NMNAT3: variants seen among roughly 807,000 people sequenced by gnomAD.
NMNAT3 encodes the protein nicotinamide nucleotide adenylyltransferase 3, also known as nicotinamide/nicotinic acid mononucleotide adenylyltransferase 3.
NMNAT3 carries 21 observed loss-of-function variants against 24.8 expected under a neutral mutation model. That is an observed-to-expected ratio of 0.85 (90% CI 0.60 to 1.22). NMNAT3 has a LOEUF of 1.22. NMNAT3 is among the 50% of genes most tolerant of loss of function. The pLI, the probability that NMNAT3 is intolerant of heterozygous loss-of-function variation, is 0.00. For synonymous variants in NMNAT3, 136 were observed against 155.2 expected (o/e 0.88, Z 0.92); for missense variants, 387 against 436.6 (o/e 0.89, Z 1.01).
intron 1 of NMNAT3, among the ~76,000 whole-genome samples, chr3:139,645,443 G>A (rs2056839527): frequency 6.6e-6 from 1 of 152,140 alleles, no homozygotes; most frequent in African/African-American, 2.4e-5. Context: ...GGCAGTTTAG[G>A]GTTAGGGCAG....
chr3:139,579,553 G>A (rs1369468139), intron 4 of NMNAT3, among the ~76,000 whole-genome samples: 1 of 152,148 alleles, frequency 6.6e-6, no homozygotes, highest in Non-Finnish European at 1.5e-5. Context: ...GCTGTAGATG[G>A]ACTAGTCGCA....
At chr3:139,595,276 G>A (rs953027688) in intron 3 of NMNAT3, among the ~76,000 whole-genome samples, 2 of 152,100 alleles carry the variant, frequency 1.3e-5, no homozygotes, top group African/African-American at 4.8e-5. Context: ...ACCTCTTCAA[G>A]GAGAACTACA....
At chr3:139,640,972 A>T (rs2056680010) in intron 1 of NMNAT3, among the ~76,000 whole-genome samples, 2 of 152,172 alleles carry the variant, frequency 1.3e-5, no homozygotes, top group African/African-American at 4.8e-5. Flanking sequence ...GGTATGCATA[A>T]TCGCTATTGT....
chr3:139,673,704 G>C (rs1281902252), intron 1 of NMNAT3, among the ~76,000 whole-genome samples: 2 of 151,948 alleles, frequency 1.3e-5, no homozygotes, highest in Non-Finnish European at 2.9e-5. Flanking sequence ...GACTCCATGA[G>C]GGTCAGGACT....
intron 6 of NMNAT3, among the ~76,000 whole-genome samples, chr3:139,571,759 G>A (rs1576524880): frequency 6.6e-6 from 1 of 152,156 alleles, no homozygotes; most frequent in African/African-American, 2.4e-5. Flanking sequence ...AGACAGATAG[G>A]TTTTCAATAG....
chr3:139,570,097 C>T (rs1937920910), intron 6 of NMNAT3: 1 of 152,164 alleles, frequency 6.6e-6, no homozygotes, highest in Non-Finnish European at 1.5e-5. Flanking sequence ...TTCATTTCAT[C>T]TTCCATCACT....
At position 139,561,219 on chromosome 3, in the gene NMNAT3, T is replaced by C. The variant is rs775183088; in HGVS notation, c.832A>G (p.Met278Val). The change falls in exon 7 of 7, where the codon ATG becomes GTG. Residue 278 changes from methionine to valine, a missense_variant. Met to Val is a conservative substitution (Grantham distance 21, BLOSUM62 1). This residue lies in a region of NMNAT3 where 323 missense variants were observed against 345.2 expected (regional missense o/e 0.94). Transcript: ENST00000643695. ...GCCAGGTGAATGTTGTGCTGGTGCA[T>C]CCGTAGGATGGGAGATTCTGCGATG... The C allele has an allele frequency of 1.2e-6, 2 of 1,614,170 alleles. No homozygotes were observed. Among genetic ancestry groups the C allele is most frequent in the Non-Finnish European group, 1.7e-6 (2 of 1,180,026 alleles).
chr3:139,634,997 A>G (rs2056447348), intron 2 of NMNAT3: 1 of 152,230 alleles, frequency 6.6e-6, no homozygotes, highest in Non-Finnish European at 1.5e-5. Flanking sequence ...AGTGAGCCAC[A>G]TAGAAAGTGG....
At chr3:139,589,500 A>C (rs757551796) in intron 3 of NMNAT3, among the ~76,000 whole-genome samples, 7 of 152,226 alleles carry the variant, frequency 4.6e-5, no homozygotes, top group Non-Finnish European at 1.0e-4. Context: ...CTCAACAGCA[A>C]GTCTTGAATC....
At chr3:139,581,012 A>C (rs1022868710) in intron 4 of NMNAT3, among the ~76,000 whole-genome samples, 3 of 152,210 alleles carry the variant, frequency 2.0e-5, no homozygotes, top group African/African-American at 7.2e-5. Flanking sequence ...TTATACCCAA[A>C]CAATAGATAT....
chr3:139,575,157 C>T (rs1939112199), intron 5 of NMNAT3, among the ~76,000 whole-genome samples: 1 of 152,190 alleles, frequency 6.6e-6, no homozygotes, highest in South Asian at 2.1e-4. Flanking sequence ...CATGAAAATG[C>T]TCCTTAAGTC....
intron 3 of NMNAT3, among the ~76,000 whole-genome samples, chr3:139,594,709 A>G (rs2054363137): frequency 6.6e-6 from 1 of 152,158 alleles, no homozygotes; most frequent in African/African-American, 2.4e-5. Context: ...CAAAGACAAA[A>G]ACCACATGAT....
At chr3:139,593,984 A>T (rs2054322957) in intron 3 of NMNAT3, among the ~76,000 whole-genome samples, 1 of 151,562 alleles carries the variant, frequency 6.6e-6, no homozygotes, top group Non-Finnish European at 1.5e-5. Context: ...AAGGAAATAG[A>T]GACACAAAAA....
chr3:139,645,190 A>G (rs1225841193), intron 1 of NMNAT3, among the ~76,000 whole-genome samples: 1 of 152,168 alleles, frequency 6.6e-6, no homozygotes, highest in Non-Finnish European at 1.5e-5. Context: ...TGACAGAGTG[A>G]GACTCCATCT....
intron 1 of NMNAT3, among the ~76,000 whole-genome samples, chr3:139,663,482 A>T (rs1395225562): frequency 6.6e-6 from 1 of 152,186 alleles, no homozygotes; most frequent in African/African-American, 2.4e-5. Context: ...CAGAGAAGCA[A>T]TGGTGCTTAC....
At chr3:139,592,077 T>A (rs2054218163) in intron 3 of NMNAT3, among the ~76,000 whole-genome samples, 1 of 151,862 alleles carries the variant, frequency 6.6e-6, no homozygotes, top group African/African-American at 2.4e-5. Flanking sequence ...TTGAAAAAAA[T>A]TTAGAAGAAT....
In NMNAT3 at chr3:139,574,243, T is replaced by C. The variant is rs1938933349; in HGVS notation, c.576-563A>G. On this transcript the variant is annotated intron_variant, in intron 5 of 6. Coordinates refer to ENST00000643695, the MANE Select transcript of NMNAT3 (RefSeq NM_001320510.2). ...CCAAGAGCCAGGGCTTGCAGCCAGA[T>C]GGCCTGGGTTGAATCTCAGCTCCTC... Among the ~76,000 whole-genome samples the C allele has an allele frequency of 2.0e-5, 3 of 152,242 alleles. 1 individual carries two copies. In the South Asian group the frequency reaches 6.2e-4, roughly 32 times the overall value.
chr3:139,631,138 G>A (rs1346106792), intron 2 of NMNAT3, among the ~76,000 whole-genome samples: 1 of 151,824 alleles, frequency 6.6e-6, no homozygotes, highest in Non-Finnish European at 1.5e-5. Context: ...TTTTGCTGTG[G>A]GCATACTGAG....
chr3:139,573,607 T>C lies in NMNAT3; in HGVS notation c.649A>G (p.Thr217Ala). ...GAGGATCAGCACCCACCTGCAGGGG[T>C]CGAGAAGAGTGCCTTGCCATGGTCT... Residue 217 changes from threonine (T) to alanine (A), a missense_variant, in exon 6 of 7, where the codon ACC (threonine) becomes GCC (alanine). By Grantham distance (58) the Thr-to-Ala change is moderately conservative (BLOSUM62 0). Coordinates refer to ENST00000643695, the MANE Select transcript of NMNAT3 (RefSeq NM_001320510.2). 6.3e-7 allele frequency: 1 copy of C among 1,593,294 alleles called. No individual in the cohort carries two copies. Among genetic ancestry groups the C allele is most frequent in the Non-Finnish European group, 8.5e-7 (1 of 1,170,260 alleles).
Sources: gnomAD v4.1 joint callset for allele counts (sites outside exome capture counted in the v4.1 genomes callset) on GRCh38, gnomAD v4.1.1 for gene constraint, gnomAD v4.1.1 regional missense constraint, MANE v1.5 for transcripts, NCBI Gene and HGNC (gene_info 2026-07-23, HGNC 2026-07-21) for gene names.